ZNF536: variants seen among roughly 807,000 people sequenced by gnomAD.
ZNF536 encodes zinc finger protein 536.
A neutral mutation model predicts 84.5 loss-of-function variants in ZNF536; 13 were observed. The ratio of observed to expected loss-of-function variants is 0.15; its 90% confidence interval spans 0.10 to 0.24. The LOEUF (loss-of-function observed/expected upper bound fraction) is 0.24, where lower values mean the gene tolerates loss of function less well. ZNF536 is among the 10% of genes least tolerant of loss of function. The pLI is 1.00. For missense variants in ZNF536, 1,536 were observed against 1,747.5 expected (o/e 0.88, Z 2.16); for synonymous variants, 811 against 742.5 (o/e 1.09, Z -1.50).
At chr19:30,556,891 G>A in intron 4 of ZNF536, 1 of 369,916 alleles carries the variant, frequency 2.7e-6, no homozygotes, top group South Asian at 4.1e-5. Context: ...GATGTTGTGT[G>A]CAAAGCCCAG....
At chr19:30,267,093 A>G (rs1043592833) in intron 1 of ZNF536, among the ~76,000 whole-genome samples, 2 of 152,248 alleles carry the variant, frequency 1.3e-5, no homozygotes, top group African/African-American at 4.8e-5. Context: ...ATTAATGAAC[A>G]GAGATAGAAA....
intron 3 of ZNF536, among the ~76,000 whole-genome samples, chr19:30,358,423 G>T (rs1385828830): frequency 1.3e-5 from 2 of 152,192 alleles, no homozygotes; most frequent in Non-Finnish European, 2.9e-5. Flanking sequence ...GTAAACTGAG[G>T]CTCCAGCTTG....
chr19:30,609,142 C>T (rs1174525343), intron 1 of ZNF536, among the ~76,000 whole-genome samples: 1 of 152,196 alleles, frequency 6.6e-6, no homozygotes, highest in East Asian at 1.9e-4. Flanking sequence ...GTACATAGTG[C>T]AATCCCTTGC....
rs555056136 is a variant in ZNF536, at chr19:30,690,697, C to T, written c.170-20060C>T. Among the ~76,000 whole-genome samples, 22 of 152,176 alleles carry T rather than the reference C, an allele frequency of 1.4e-4. No homozygotes were observed. The East Asian group carries it at 3.1e-3, about 21-fold the overall frequency. ...TCATACCCAGCTGCCCCATTTCCTGCGTCACCCAGGCACATGACTGTCTTT... is the reference window on the plus strand; with the variant it reads ...TCATACCCAGCTGCCCCATTTCCTGTGTCACCCAGGCACATGACTGTCTTT... On this transcript the variant is annotated intron_variant, in intron 1 of 1. Transcript: ENST00000592773.
intron 1 of ZNF536, among the ~76,000 whole-genome samples, chr19:30,245,104 A>T (rs115459111): frequency 0.023 from 3,533 of 152,222 alleles, 133 homozygotes; most frequent in African/African-American, 0.08. Flanking sequence ...TCGGACACAC[A>T]GGCTCCATCC....
intron 2 of ZNF536, among the ~76,000 whole-genome samples, chr19:30,446,248 C>CAAAAA (rs1177505634): frequency 0.3 from 8,605 of 28,992 alleles, 2,214 homozygotes; most frequent in Non-Finnish European, 0.35. Flanking sequence ...GACACTGTCT[C>CAAAAA]AAAAAAAAAA....
intron 1 of ZNF536, among the ~76,000 whole-genome samples, chr19:30,672,962 C>T (rs2050613539): frequency 6.6e-6 from 1 of 152,166 alleles, no homozygotes; most frequent in Non-Finnish European, 1.5e-5. Context: ...TGAGTGTATT[C>T]CTGGGGTGTT....
chr19:30,363,999 G>A (rs1490212473), intron 3 of ZNF536, among the ~76,000 whole-genome samples: 1 of 152,164 alleles, frequency 6.6e-6, no homozygotes, highest in African/African-American at 2.4e-5. Flanking sequence ...GGGCAGATAG[G>A]TGTGTTGGAG....
chr19:30,584,116 G>A lies in ZNF536; in HGVS notation c.169+34602G>A, dbSNP rs111634061. Among the ~76,000 whole-genome samples the A allele has an allele frequency of 6.0e-3, 907 of 152,250 alleles. 12 individuals carry two copies. The highest frequency in any genetic ancestry group is 0.021 in the African/African-American group (870 of 41,526). On this transcript the variant is annotated intron_variant, in intron 1 of 1. Transcript: ENST00000592773. ...TGCTACTTTTCTCATCTCCAACGCT[G>A]CATCTTCCTATCTCCCCTGATGTCC... is the stretch of plus-strand genomic sequence containing the variant.
At chr19:30,466,943 C>T (rs576174028) in intron 2 of ZNF536, among the ~76,000 whole-genome samples, 14 of 152,258 alleles carry the variant, frequency 9.2e-5, no homozygotes, top group South Asian at 6.2e-4. Context: ...TGGTTTTAAG[C>T]GATTCTCTTG....
At chr19:30,367,268 C>A (rs985362785) in intron 3 of ZNF536, among the ~76,000 whole-genome samples, 3 of 152,170 alleles carry the variant, frequency 2.0e-5, no homozygotes, top group Non-Finnish European at 4.4e-5. Context: ...GTGGTGAGGC[C>A]ACCGCTGACA....
At chr19:30,653,042 T>C (rs1028168208) in intron 1 of ZNF536, among the ~76,000 whole-genome samples, 4 of 152,118 alleles carry the variant, frequency 2.6e-5, no homozygotes, top group Non-Finnish European at 5.9e-5. Flanking sequence ...TAAGGTTGGG[T>C]GGAAAAGATT....
In ZNF536 at chr19:30,656,626, C is replaced by T. The variant is rs147989610; in HGVS notation, c.170-54131C>T. On this transcript the variant is annotated intron_variant, in intron 1 of 1. Coordinates refer to the ZNF536 transcript ENST00000592773. ...GATGTCATTCCCTTCTCGGCAGGGA[C>T]GCAATCATACATCTGCTCTCTGGTC... 8.5e-5 allele frequency among the ~76,000 whole-genome samples: 13 copies of T among 152,334 alleles called. 1 individual carries two copies. Among genetic ancestry groups the T allele is most frequent in the South Asian group, 4.1e-4 (2 of 4,824 alleles).
intron 2 of ZNF536, among the ~76,000 whole-genome samples, chr19:30,333,467 C>T (rs1037161637): frequency 6.6e-6 from 1 of 152,222 alleles, no homozygotes; most frequent in South Asian, 2.1e-4. Context: ...CTGAGAGCTA[C>T]GTGGCCATGA....
intron 1 of ZNF536, among the ~76,000 whole-genome samples, chr19:30,259,576 G>T (rs974382091): frequency 6.6e-6 from 1 of 152,132 alleles, no homozygotes; most frequent in Admixed American, 6.5e-5. Flanking sequence ...TGCTTCAGGG[G>T]TTATAAAATG....
intron 1 of ZNF536, among the ~76,000 whole-genome samples, chr19:30,403,272 A>G (rs143533667): frequency 2.3e-4 from 35 of 152,288 alleles, no homozygotes; most frequent in African/African-American, 7.5e-4. Context: ...CCACATTACA[A>G]TATTTTTTAT....
rs926220907 is a variant in ZNF536 at position 30,535,585 on chromosome 19, T to A, written c.2323+586T>A. The stretch of plus-strand genomic sequence containing the variant: ...ATGCTCTTAGGCAAAGGGGGGCAAG[T>A]GGCTGCTGCACCCCTCTGGCCATTT... On this transcript the variant is annotated intron_variant, in intron 3 of 4. Transcript: ENST00000355537. Among the ~76,000 whole-genome samples, 3 of 152,122 alleles carry A rather than the reference T, an allele frequency of 2.0e-5. No homozygotes were observed. In the East Asian group the frequency reaches 5.8e-4, roughly 30 times the overall value.
At chr19:30,434,027 C>T (rs555203809) in intron 1 of ZNF536, among the ~76,000 whole-genome samples, 5 of 151,866 alleles carry the variant, frequency 3.3e-5, no homozygotes, top group Non-Finnish European at 7.4e-5. Flanking sequence ...GCCTATCAGT[C>T]TGTTAGAGCG....
chr19:30,465,418 C>T (rs1005000036), intron 2 of ZNF536, among the ~76,000 whole-genome samples: 1 of 152,228 alleles, frequency 6.6e-6, no homozygotes, highest in Non-Finnish European at 1.5e-5. Flanking sequence ...ACCTTGTTCA[C>T]TCTTCCTGGT....
Sources: gnomAD v4.1 joint callset for allele counts (sites outside exome capture counted in the v4.1 genomes callset) on GRCh38, gnomAD v4.1.1 for gene constraint, MANE v1.5 for transcripts, NCBI Gene and HGNC (gene_info 2026-07-23, HGNC 2026-07-21) for gene names.